The following GPR55 variants were observed in gnomAD, a reference collection of about 807,000 sequenced individuals.
The protein encoded by GPR55 is G-protein coupled receptor 55.
Under a neutral mutation model 7.9 loss-of-function variants are expected in GPR55, and 6 were observed. The observed-to-expected ratio is 0.76, with a 90% CI of 0.41 to 1.49. The LOEUF is 1.49. Among genes scored for constraint, GPR55 ranks in the 40% most tolerant of loss-of-function variants. GPR55 has a pLI of 0.01. For missense variants in GPR55, 376 were observed against 406.0 expected (o/e 0.93, Z 0.63); for synonymous variants, 183 against 166.8 (o/e 1.10, Z -0.75).
rs557123726 is a variant in GPR55, at chr2:230,909,940, C to T, written c.*63G>A. The T allele has an allele frequency of 4.7e-6, 7 of 1,486,194 alleles. No individual in the cohort carries two copies. The highest frequency in any genetic ancestry group is 3.8e-5 in the South Asian group (3 of 79,118). 92.1% of individuals were successfully genotyped at this position (1,486,194 alleles called of 1,614,324 possible). On this transcript the variant is annotated 3_prime_UTR_variant, in exon 2 of 2. Coordinates refer to ENST00000650999, the MANE Select transcript of GPR55 (RefSeq NM_005683.4). Reference sequence around the variant, plus strand: ...ATCCCACCACATCAAAACCCTGGAACGCGATATCCGTTACCAGAATTCAGG... The same window carrying T: ...ATCCCACCACATCAAAACCCTGGAATGCGATATCCGTTACCAGAATTCAGG...
intron 1 of GPR55, among the ~76,000 whole-genome samples, chr2:230,916,949 C>G (rs1366043244): frequency 2.0e-5 from 3 of 152,102 alleles, no homozygotes. Flanking sequence ...ACTGTTTGCT[C>G]TTATGAAGGG....
rs770915881 is a variant in GPR55, at chr2:230,910,676, A to G, written c.287T>C (p.Leu96Pro). 6.2e-7 allele frequency: 1 copy of G among 1,612,512 alleles called. No homozygotes were observed. The highest frequency in any genetic ancestry group is 8.5e-7 in the Non-Finnish European group (1 of 1,178,800). The change falls in exon 2 of 2, where the codon CTG (leucine) becomes CCG (proline). Residue 96 changes from leucine (L) to proline (P), a missense_variant. By Grantham distance (98) the Leu-to-Pro change is moderately conservative. Transcript: ENST00000650999. The surrounding 1 kb of genome is among the most constrained non-coding windows in gnomAD (Gnocchi z 5.4). ...VQSPFPSLCT[L>P]VECLYFVSMY... is the part of the protein sequence containing the mutation. ...GCTGACGAAGTAAAGGCACTCCACC[A>G]GGGTGCACAGGGACGGGAAGGGGGA...
chr2:230,928,926 C>A (rs1690987502), upstream of GPR55, among the ~76,000 whole-genome samples: 1 of 152,178 alleles, frequency 6.6e-6, no homozygotes, highest in African/African-American at 2.4e-5. Context: ...CAGGGACTTG[C>A]CCCAGGCCCC....
chr2:230,956,389 A>G lies in GPR55; in HGVS notation c.-135+4386T>C, dbSNP rs1691484494. 3.3e-5 allele frequency among the ~76,000 whole-genome samples: 5 copies of G among 150,970 alleles called. No homozygotes were observed. The South Asian group carries it at 1.1e-3, about 32-fold the overall frequency. ...ACCATGTTGGCCAGGCTGGTCTCAA[A>G]CTCCTGACCTCAAGTGATCCACCCG... is the stretch of plus-strand genomic sequence containing the variant. On this transcript the variant is annotated intron_variant, in intron 1 of 1. Coordinates refer to the GPR55 transcript ENST00000392039.
In GPR55 at chr2:230,917,530, G is replaced by A. The variant is rs562927042; in HGVS notation, c.-134-6434C>T. On this transcript the variant is annotated intron_variant, in intron 1 of 1. Coordinates refer to ENST00000650999, the MANE Select transcript of GPR55 (RefSeq NM_005683.4). ...TAGAAAATAAAAATACAGCCTGGCC[G>A]GGTGCAGTGGCTTATGCCTGTAATC... Among the ~76,000 whole-genome samples, 10 of 152,300 alleles carry A rather than the reference G, an allele frequency of 6.6e-5. No homozygotes were observed. The East Asian group carries it at 9.6e-4, about 15-fold the overall frequency.
chr2:230,949,365 T>G (rs1434083595), intron 1 of GPR55, among the ~76,000 whole-genome samples: 1 of 152,236 alleles, frequency 6.6e-6, no homozygotes, highest in African/African-American at 2.4e-5. Context: ...GGTTTCACCA[T>G]GTTGACCAGG....
At chr2:230,930,463 CTT>C (rs751153927) in intron 1 of GPR55, among the ~76,000 whole-genome samples, 17 of 141,286 alleles carry the variant, frequency 1.2e-4, no homozygotes, top group Non-Finnish European at 1.1e-4. Flanking sequence ...TTCTTTCTTT[CTT>C]TTTTTTTTTT....
intron 1 of GPR55, among the ~76,000 whole-genome samples, chr2:230,958,738 A>G (rs1369798169): frequency 6.6e-6 from 1 of 152,262 alleles, no homozygotes. Context: ...CACTGTAATT[A>G]ACACATAATC....
At chr2:230,947,613 C>T (rs140225852) in intron 1 of GPR55, among the ~76,000 whole-genome samples, 5 of 151,614 alleles carry the variant, frequency 3.3e-5, no homozygotes, top group African/African-American at 7.3e-5. Context: ...AAGCAATCCT[C>T]GTGCCTCAGC....
intron 1 of GPR55, among the ~76,000 whole-genome samples, chr2:230,919,367 A>G (rs915420270): frequency 6.6e-6 from 1 of 152,206 alleles, no homozygotes; most frequent in South Asian, 2.1e-4. Context: ...ACTCGAAGAA[A>G]CAAAACACAA....
intron 1 of GPR55, among the ~76,000 whole-genome samples, chr2:230,953,411 C>G (rs914369515): frequency 1.1e-4 from 17 of 152,138 alleles, no homozygotes; most frequent in Non-Finnish European, 1.5e-5. Flanking sequence ...AAGGACTCAA[C>G]CCACTGTTAC....
intron 1 of GPR55, among the ~76,000 whole-genome samples, chr2:230,947,963 AC>A (rs1559179528): frequency 6.6e-6 from 1 of 152,162 alleles, no homozygotes; most frequent in Admixed American, 6.5e-5. Context: ...TCACCAGGCC[AC>A]GGTGGCTTTG....
intron 1 of GPR55, among the ~76,000 whole-genome samples, chr2:230,921,080 G>A (rs898040939): frequency 3.3e-5 from 5 of 151,996 alleles, no homozygotes; most frequent in African/African-American, 7.2e-5. Flanking sequence ...AATTGAGAAA[G>A]TAACATGGAG....
chr2:230,912,250 A>T (rs1319954498), intron 1 of GPR55, among the ~76,000 whole-genome samples: 1 of 152,086 alleles, frequency 6.6e-6, no homozygotes, highest in Non-Finnish European at 1.5e-5. Context: ...CAGCTGGGTG[A>T]GCAAGTGCGG....
At position 230,910,164 on chromosome 2, in the gene GPR55, T is replaced by C; in HGVS notation, c.799A>G (p.Ser267Gly). 6.2e-7 allele frequency: 1 copy of C among 1,614,122 alleles called. No individual in the cohort carries two copies. Among genetic ancestry groups the C allele is most frequent in the Non-Finnish European group, 8.5e-7 (1 of 1,179,970 alleles). ...IVECRAKQSI[S>G]FFLQLSMCFS... is the part of the protein sequence containing the mutation. ...CACATGGACAATTGCAAGAAGAAGC[T>C]GATGCTCTGCTTGGCTCTGCACTCT... Residue 267 changes from serine (S) to glycine (G), a missense_variant, in exon 2 of 2, where the codon AGC (serine) becomes GGC (glycine). Physicochemically the swap from Ser to Gly is moderately conservative, Grantham distance 56. Coordinates refer to ENST00000650999, the MANE Select transcript of GPR55 (RefSeq NM_005683.4). This position sits in a 1 kb window ranked among gnomAD's most constrained non-coding sequence, Gnocchi z 5.4.
intron 1 of GPR55, among the ~76,000 whole-genome samples, chr2:230,958,668 C>T (rs945026548): frequency 5.3e-5 from 8 of 152,122 alleles, no homozygotes; most frequent in African/African-American, 1.9e-4. Flanking sequence ...CAATGTTTGT[C>T]TTTTATTTTA....
chr2:230,918,812 G>T (rs534789792), intron 1 of GPR55, among the ~76,000 whole-genome samples: 2 of 152,214 alleles, frequency 1.3e-5, no homozygotes, highest in African/African-American at 2.4e-5. Flanking sequence ...TCATCCAATT[G>T]TATAAATAGT....
chr2:230,921,628 C>A lies in GPR55; in HGVS notation c.-135+3540G>T, dbSNP rs916114179. 5.3e-5 allele frequency among the ~76,000 whole-genome samples: 8 copies of A among 152,254 alleles called. No individual in the cohort carries two copies. The East Asian group carries it at 1.5e-3, about 29-fold the overall frequency. Reference sequence around the variant, plus strand: ...ACAATATTTATACACAAAACACAAACGCAGTCACCACTTTAAGGAAAGTGG... The same window carrying A: ...ACAATATTTATACACAAAACACAAAAGCAGTCACCACTTTAAGGAAAGTGG... On this transcript the variant is annotated intron_variant, in intron 1 of 1. Coordinates refer to ENST00000650999, the MANE Select transcript of GPR55 (RefSeq NM_005683.4).
intron 1 of GPR55, among the ~76,000 whole-genome samples, chr2:230,954,122 T>C (rs1691444435): frequency 6.6e-6 from 1 of 152,254 alleles, no homozygotes; most frequent in African/African-American, 2.4e-5. Flanking sequence ...AGTTCCGAGA[T>C]GCAAAGGTTT....
Sources: gnomAD v4.1 joint callset for allele counts (sites outside exome capture counted in the v4.1 genomes callset) on GRCh38, gnomAD v4.1.1 for gene constraint, Gnocchi (gnomAD v3.1) non-coding constraint, MANE v1.5 for transcripts, NCBI Gene and HGNC (gene_info 2026-07-23, HGNC 2026-07-21) for gene names.